GAD2: variants seen among roughly 807,000 people sequenced by gnomAD.
GAD2 encodes the protein 65 kDa glutamic acid decarboxylase.
Under a neutral mutation model 80.1 loss-of-function variants are expected in GAD2, and 22 were observed. The ratio of observed to expected loss-of-function variants is 0.27; its 90% confidence interval spans 0.20 to 0.39. GAD2 has a LOEUF of 0.39. Ranked by LOEUF, GAD2 falls within the 10% of genes least tolerant of loss-of-function variation. The pLI is 1.00. For synonymous variants in GAD2, 274 were observed against 256.9 expected (o/e 1.07, Z -0.64); for missense variants, 624 against 738.4 (o/e 0.85, Z 1.80).
chr10:26,294,263 T>C (rs753208184), intron 15 of GAD2, among the ~76,000 whole-genome samples: 1 of 152,224 alleles, frequency 6.6e-6, no homozygotes, highest in Non-Finnish European at 1.5e-5. Context: ...TCACTGACCT[T>C]TGGGAACACT....
intron 8 of GAD2, among the ~76,000 whole-genome samples, chr10:26,252,005 C>T (rs1185463828): frequency 1.3e-5 from 2 of 152,174 alleles, no homozygotes; most frequent in East Asian, 1.9e-4. Context: ...TTTATTAGCA[C>T]GTCCTTGTAA....
Position 26,217,562 on chromosome 10 carries a change from G to C in GAD2, c.77-48G>C. 6.4e-7 allele frequency: 1 copy of C among 1,568,214 alleles called. No individual in the cohort carries two copies. The highest frequency in any genetic ancestry group is 8.7e-7 in the Non-Finnish European group (1 of 1,149,802). On this transcript the variant is annotated intron_variant, in intron 1 of 15. Coordinates refer to ENST00000376261, the MANE Select transcript of GAD2 (RefSeq NM_001134366.2). This position sits in a 1 kb window ranked among gnomAD's most constrained non-coding sequence, Gnocchi z 4.9. ...AGAACGAAATTTCACACGTCCGTCT[G>C]TTGTTCTCTTTCTGCCTCGCTGTCT...
chr10:26,260,776 A>G (rs903674402), intron 8 of GAD2, among the ~76,000 whole-genome samples: 1 of 152,242 alleles, frequency 6.6e-6, no homozygotes, highest in East Asian at 1.9e-4. Flanking sequence ...CCTACCCACT[A>G]TGTCCTCACT....
intron 12 of GAD2, among the ~76,000 whole-genome samples, chr10:26,285,876 T>C (rs180988511): frequency 1.5e-4 from 23 of 152,156 alleles, no homozygotes; most frequent in African/African-American, 5.3e-4. Context: ...AATGATAAAG[T>C]ACTTGAACTA....
At chr10:26,290,295 G>A (rs557078130) in intron 13 of GAD2, among the ~76,000 whole-genome samples, 30 of 152,236 alleles carry the variant, frequency 2.0e-4, no homozygotes, top group African/African-American at 7.2e-4. Context: ...GACAGATTAG[G>A]ACTGATCACA....
chr10:26,295,082 C>CAT (rs11397236), intron 15 of GAD2, among the ~76,000 whole-genome samples: 253 of 150,732 alleles, frequency 1.7e-3, no homozygotes, highest in Admixed American at 4.0e-3. Context: ...AGAATAAAAA[C>CAT]TTTTTTTTTT....
chr10:26,232,468 ACTTT>A lies in GAD2; in HGVS notation c.840+2692_840+2695del, dbSNP rs1159831795. ...TTTCCTGATACTGTAAACTCAGTCTACTTTTTTTTTTTTTTTTTTTTTTTGAGTC... is the reference window on the plus strand; with the variant it reads ...TTTCCTGATACTGTAAACTCAGTCTATTTTTTTTTTTTTTTTTTTTGAGTC... On this transcript the variant is annotated intron_variant, in intron 7 of 15. Coordinates refer to ENST00000376261, the MANE Select transcript of GAD2 (RefSeq NM_001134366.2). 4.6e-5 allele frequency among the ~76,000 whole-genome samples: 6 copies of A among 131,678 alleles called. 1 individual carries two copies. Among genetic ancestry groups the A allele is most frequent in the African/African-American group, 6.0e-5 (2 of 33,132 alleles). The allele number at this position is 131,678 out of a possible 152,430, so 86.4% of individuals were successfully genotyped here.
intron 4 of GAD2, 133 bp downstream of exon 4, chr10:26,219,409 AAT>A (rs1257484359): frequency 1.6e-6 from 1 of 611,690 alleles, no homozygotes; most frequent in Admixed American, 3.3e-5. Flanking sequence ...TCATGTAAAA[AAT>A]AGTCATTATT....
intron 8 of GAD2, among the ~76,000 whole-genome samples, chr10:26,251,834 T>C (rs1462384989): frequency 6.6e-6 from 1 of 152,222 alleles, no homozygotes; most frequent in African/African-American, 2.4e-5. Flanking sequence ...ATAATTCACA[T>C]CATCTGTGTG....
chr10:26,270,382 T>C (rs987354880), intron 9 of GAD2, among the ~76,000 whole-genome samples: 1 of 152,100 alleles, frequency 6.6e-6, no homozygotes, highest in Non-Finnish European at 1.5e-5. Flanking sequence ...AGCCTCTGGG[T>C]TCACTACAGC....
In GAD2 at chr10:26,269,163, C is replaced by G; in HGVS notation, c.965C>G (p.Ala322Gly). The G allele has an allele frequency of 6.3e-7, 1 of 1,598,098 alleles. No homozygotes were observed. Among genetic ancestry groups the G allele is most frequent in the Non-Finnish European group, 8.5e-7 (1 of 1,171,388 alleles). The change falls in exon 9 of 16, where the codon GCC becomes GGC. Residue 322 changes from alanine to glycine, a missense_variant. Transcript: ENST00000376261. Reference protein sequence around the residue: ...PSDLERRILEAKQKGFVPFLV... With the variant: ...PSDLERRILEGKQKGFVPFLV... ...GATCTTGAAAGAAGGATTCTTGAAG[C>G]CAAACAGAAAGTAAGTTTCTGCCGG...
intron 8 of GAD2, among the ~76,000 whole-genome samples, chr10:26,260,999 G>C (rs1845002948): frequency 6.6e-6 from 1 of 152,128 alleles, no homozygotes; most frequent in Non-Finnish European, 1.5e-5. Flanking sequence ...ATGGAGAATA[G>C]GGTATCCATC....
intron 8 of GAD2, among the ~76,000 whole-genome samples, chr10:26,264,180 C>T (rs577084340): frequency 5.5e-4 from 84 of 152,216 alleles, no homozygotes; most frequent in African/African-American, 2.0e-3. Flanking sequence ...TTATGTAACC[C>T]TCATACAAAT....
In GAD2 at chr10:26,288,280, C is replaced by T. The variant is rs116404065; in HGVS notation, c.1386+1786C>T. Among the ~76,000 whole-genome samples the T allele has an allele frequency of 7.0e-3, 1,068 of 152,264 alleles. 14 individuals carry two copies. The highest frequency in any genetic ancestry group is 0.023 in the African/African-American group (948 of 41,546). ...CTGGACTGTACATCCTTCAGGGAAG[C>T]CTCCTTAATACTGTTTACTCCAGCT... is the stretch of plus-strand genomic sequence containing the variant. On this transcript the variant is annotated intron_variant, in intron 13 of 15. Coordinates refer to ENST00000376261, the MANE Select transcript of GAD2 (RefSeq NM_001134366.2).
chr10:26,271,020 A>C (rs4749104), intron 10 of GAD2, among the ~76,000 whole-genome samples: 1 of 152,170 alleles, frequency 6.6e-6, no homozygotes, highest in Non-Finnish European at 1.5e-5. Flanking sequence ...ACCCAAGCTG[A>C]CCACTTTGTT....
chr10:26,279,328 A>G (rs1845247045), intron 11 of GAD2, among the ~76,000 whole-genome samples: 1 of 152,360 alleles, frequency 6.6e-6, no homozygotes, highest in Middle Eastern at 3.4e-3. Flanking sequence ...ATGGTGTTCC[A>G]GGAAGAGGAA....
chr10:26,216,535 G>A (rs916931188), upstream of GAD2: 10 of 287,598 alleles, frequency 3.5e-5, no homozygotes, highest in Non-Finnish European at 5.7e-5. The surrounding 1 kb of genome is among the most constrained non-coding windows in gnomAD (Gnocchi z 4.7). Context: ...TCCGGGCTCC[G>A]AGGACCCTTA....
intron 15 of GAD2, among the ~76,000 whole-genome samples, chr10:26,299,179 G>A (rs141983527): frequency 1.1e-3 from 160 of 152,310 alleles, no homozygotes; most frequent in African/African-American, 3.6e-3. Flanking sequence ...ACAAATGATT[G>A]GACCCAATGG....
intron 7 of GAD2, among the ~76,000 whole-genome samples, chr10:26,233,372 T>C (rs1054943000): frequency 2.0e-5 from 3 of 152,196 alleles, no homozygotes; most frequent in Non-Finnish European, 2.9e-5. Context: ...TGTGACTCTC[T>C]CTTTCTACCA....
Sources: allele counts gnomAD v4.1 joint callset (sites outside exome capture counted in the v4.1 genomes callset), GRCh38; gene constraint gnomAD v4.1.1; non-coding constraint Gnocchi (gnomAD v3.1); transcripts MANE v1.5; gene names NCBI Gene and HGNC (gene_info 2026-07-23, HGNC 2026-07-21).